The following PVT1 variants were observed in gnomAD, a reference collection of about 807,000 sequenced individuals.
PVT1 encodes the protein Pvt1 oncogene.
chr8:127,874,937 G>GT (rs1563627450), intron 2 of PVT1, among the ~76,000 whole-genome samples: 3 of 145,956 alleles, frequency 2.1e-5, no homozygotes, highest in Middle Eastern at 3.4e-3. Flanking sequence ...TGTGTGTGTG[G>GT]GTGTGTGGCC....
intron 3 of PVT1, among the ~76,000 whole-genome samples, chr8:127,983,034 G>A (rs1816902465): frequency 6.6e-6 from 1 of 152,178 alleles, no homozygotes; most frequent in Non-Finnish European, 1.5e-5. Context: ...GCCGTATTAA[G>A]GGCTCGGCCT....
At chr8:127,908,217 C>T (rs1156677071) in intron 3 of PVT1, among the ~76,000 whole-genome samples, 1 of 152,060 alleles carries the variant, frequency 6.6e-6, no homozygotes, top group African/African-American at 2.4e-5. Context: ...CCTTTCTGGG[C>T]ATCCCAGGCT....
chr8:127,797,839 A>G (rs1451937242), intron 2 of PVT1, among the ~76,000 whole-genome samples: 3 of 152,050 alleles, frequency 2.0e-5, no homozygotes, highest in Admixed American at 6.6e-5. Flanking sequence ...CTTTCCTATA[A>G]AATAGGATGA....
intron 5 of PVT1, among the ~76,000 whole-genome samples, chr8:128,070,977 T>C (rs1813979195): frequency 6.6e-6 from 1 of 152,254 alleles, no homozygotes; most frequent in African/African-American, 2.4e-5. Flanking sequence ...ACTTTTTGCA[T>C]GCATGCTGCC....
chr8:127,957,566 C>CA (rs56796489), intron 3 of PVT1, among the ~76,000 whole-genome samples: 23,504 of 91,144 alleles, frequency 0.26, 2,989 homozygotes, highest in Non-Finnish European at 0.34. Context: ...GACTCCGTCT[C>CA]AAAAAAAAAA....
At chr8:127,980,385 C>T (rs536911744) in intron 3 of PVT1, among the ~76,000 whole-genome samples, 4 of 152,214 alleles carry the variant, frequency 2.6e-5, no homozygotes, top group East Asian at 1.9e-4. Context: ...TTGGGCTGAG[C>T]GGTGGCTCAA....
intron 3 of PVT1, among the ~76,000 whole-genome samples, chr8:127,953,973 C>G (rs1377700274): frequency 6.6e-6 from 1 of 152,136 alleles, no homozygotes; most frequent in African/African-American, 2.4e-5. Context: ...TTGGAGAAAA[C>G]GTGCACAAAA....
chr8:127,944,579 C>T (rs1176547322), intron 3 of PVT1, among the ~76,000 whole-genome samples: 2 of 151,210 alleles, frequency 1.3e-5, no homozygotes, highest in African/African-American at 4.9e-5. Flanking sequence ...AAATGGTGAC[C>T]CAAGTTCCAT....
intron 4 of PVT1, among the ~76,000 whole-genome samples, chr8:127,992,094 A>C (rs1817048981): frequency 6.6e-6 from 1 of 152,114 alleles, no homozygotes; most frequent in Non-Finnish European, 1.5e-5. Flanking sequence ...AAAAAAGGAA[A>C]AAAATTTCTT....
At position 127,816,613 on chromosome 8, in the gene PVT1, T is replaced by C. The variant is rs78729898; in HGVS notation, n.372+20542T>C. On this transcript the variant is annotated intron_variant and non_coding_transcript_variant, in intron 2 of 10. Transcript: ENST00000651587. The stretch of plus-strand genomic sequence containing the variant: ...ATCTCGGCTAACTGTAACCTCCACC[T>C]CCTGGGTTCAAGCGATTCTCCTGCC... 5.5e-4 allele frequency among the ~76,000 whole-genome samples: 83 copies of C among 151,784 alleles called. 1 individual carries two copies. In the East Asian group the frequency reaches 0.014, roughly 26 times the overall value.
chr8:127,993,859 G>A (rs1049149770), intron 4 of PVT1, among the ~76,000 whole-genome samples: 3 of 152,188 alleles, frequency 2.0e-5, no homozygotes, highest in South Asian at 2.1e-4. Flanking sequence ...AACCTGCAGT[G>A]TGCCACTGTG....
At chr8:127,828,156 T>A (rs1256234026) in intron 2 of PVT1, among the ~76,000 whole-genome samples, 4 of 152,214 alleles carry the variant, frequency 2.6e-5, no homozygotes, top group African/African-American at 9.6e-5. Flanking sequence ...TCTGGCAGGT[T>A]ACACCTGGGT....
rs370102415 is a variant in PVT1 at position 127,954,209 on chromosome 8, A to G, written n.783-34953A>G. ...GGGATGACAGAGGCCTGCAATACCT[A>G]TGTCTTAACTAGAACAGATGCTTTG... is the stretch of plus-strand genomic sequence containing the variant. On this transcript the variant is annotated intron_variant and non_coding_transcript_variant, in intron 3 of 10. Coordinates refer to ENST00000651587, the Ensembl canonical transcript of PVT1. Among the ~76,000 whole-genome samples the G allele has an allele frequency of 6.6e-5, 10 of 151,200 alleles. 1 individual carries two copies. Among genetic ancestry groups the G allele is most frequent in the African/African-American group, 2.2e-4 (9 of 41,148 alleles).
At chr8:127,970,841 A>T (rs772614526) in intron 3 of PVT1, among the ~76,000 whole-genome samples, 2 of 152,234 alleles carry the variant, frequency 1.3e-5, no homozygotes, top group African/African-American at 2.4e-5. Context: ...GAGGAGGCAA[A>T]AGAAAATGAA....
chr8:127,984,919 T>C (rs868536499), intron 3 of PVT1, among the ~76,000 whole-genome samples: 2 of 121,424 alleles, frequency 1.6e-5, no homozygotes, highest in African/African-American at 3.9e-5. Context: ...CTTTCTTTCT[T>C]TCTCTTTCTC....
At chr8:128,074,275 G>T (rs368996528) in intron 5 of PVT1, among the ~76,000 whole-genome samples, 2 of 152,114 alleles carry the variant, frequency 1.3e-5, no homozygotes, top group African/African-American at 4.8e-5. Context: ...GGAAGCCCAA[G>T]ATGGGTGGAT....
intron 3 of PVT1, among the ~76,000 whole-genome samples, chr8:127,932,965 C>G (rs1816227989): frequency 6.6e-6 from 1 of 152,170 alleles, no homozygotes; most frequent in South Asian, 2.1e-4. Context: ...CTTAGCAGTT[C>G]TTTTCATGGG....
chr8:127,834,725 AAAAC>A (rs746160667), intron 2 of PVT1, among the ~76,000 whole-genome samples: 12 of 152,316 alleles, frequency 7.9e-5, no homozygotes, highest in South Asian at 2.1e-4. Context: ...TACAGGGGAA[AAAAC>A]AAACAAACAA....
intron 4 of PVT1, among the ~76,000 whole-genome samples, chr8:128,040,702 T>C (rs570810668): frequency 1.5e-4 from 23 of 152,280 alleles, no homozygotes; most frequent in African/African-American, 5.5e-4. Context: ...TCAGAAATTA[T>C]GTGTGTATGT....
Sources: gnomAD v4.1 joint callset for allele counts (sites outside exome capture counted in the v4.1 genomes callset) on GRCh38, gnomAD v4.1.1 for gene constraint, MANE v1.5 for transcripts, NCBI Gene and HGNC (gene_info 2026-07-23, HGNC 2026-07-21) for gene names.